The following SMOC2 variants were observed in gnomAD, a reference collection of about 807,000 sequenced individuals.
SMOC2 encodes the protein SPARC-related modular calcium-binding protein 2.
Under a neutral mutation model 61.4 loss-of-function variants are expected in SMOC2, and 39 were observed. The observed-to-expected ratio is 0.64, with a 90% CI of 0.49 to 0.83. The LOEUF is 0.83. Among genes scored for constraint, SMOC2 ranks in the 40% least tolerant of loss-of-function variants. The pLI, the probability that SMOC2 is intolerant of heterozygous loss-of-function variation, is 0.00. For missense variants in SMOC2, 556 were observed against 592.9 expected (o/e 0.94, Z 0.65); for synonymous variants, 247 against 239.9 (o/e 1.03, Z -0.27).
chr6:168,506,833 T>C (rs1782882456), intron 1 of SMOC2, among the ~76,000 whole-genome samples: 1 of 152,258 alleles, frequency 6.6e-6, no homozygotes, highest in Non-Finnish European at 1.5e-5. Flanking sequence ...GTTTTAAGAC[T>C]CTCAACCGAG....
chr6:168,468,955 C>T (rs540829459), intron 1 of SMOC2, among the ~76,000 whole-genome samples: 13 of 152,352 alleles, frequency 8.5e-5, no homozygotes, highest in African/African-American at 2.9e-4. Flanking sequence ...CAAGAAGAAA[C>T]TCTAGAAGCA....
At chr6:168,547,058 C>A in intron 5 of SMOC2, 61 bp from the exon 6 acceptor site, 1 of 1,606,760 alleles carries the variant, frequency 6.2e-7, no homozygotes, top group Middle Eastern at 1.7e-4. Flanking sequence ...CGTATGCACA[C>A]TTACTTAACT....
chr6:168,551,990 G>T (rs1488587742), intron 7 of SMOC2, among the ~76,000 whole-genome samples: 2 of 152,304 alleles, frequency 1.3e-5, no homozygotes, highest in East Asian at 3.9e-4. Context: ...GTTTACAGAA[G>T]TTACCTTACA....
At chr6:168,638,362 A>G (rs1394985221) in intron 9 of SMOC2, among the ~76,000 whole-genome samples, 3 of 152,248 alleles carry the variant, frequency 2.0e-5, no homozygotes, top group Non-Finnish European at 2.9e-5. Flanking sequence ...GGTTGGGAAC[A>G]TAACTTTAAG....
At chr6:168,627,361 CTT>C (rs1428279852) in intron 9 of SMOC2, among the ~76,000 whole-genome samples, 2 of 152,188 alleles carry the variant, frequency 1.3e-5, no homozygotes, top group African/African-American at 4.8e-5. Context: ...AGATTTCTCT[CTT>C]GTTTTAATAT....
intron 9 of SMOC2, among the ~76,000 whole-genome samples, chr6:168,642,849 T>TA (rs1360451264): frequency 6.6e-6 from 1 of 152,352 alleles, no homozygotes; most frequent in African/African-American, 2.4e-5. Context: ...AGCCAAGTGT[T>TA]ACATGTAATG....
chr6:168,476,196 TG>T (rs748877743), intron 1 of SMOC2, among the ~76,000 whole-genome samples: 2 of 152,112 alleles, frequency 1.3e-5, no homozygotes, highest in Non-Finnish European at 2.9e-5. Context: ...ACTTTAGATT[TG>T]GGAGTTAACA....
Position 168,480,247 on chromosome 6 carries a change from T to C in SMOC2, c.85-29668T>C, listed in dbSNP as rs59556942. ...AGAAAATGAGAAAATGTGGCATATT[T>C]AAAGGAAGAAAATGAATCAACAGAA... On this transcript the variant is annotated intron_variant, in intron 1 of 12. Coordinates refer to ENST00000356284, the MANE Select transcript of SMOC2 (RefSeq NM_001166412.2). Among the ~76,000 whole-genome samples, 631 of 152,206 alleles carry C rather than the reference T, an allele frequency of 4.1e-3. 7 individuals carry two copies. The highest frequency in any genetic ancestry group is 0.014 in the African/African-American group (592 of 41,534).
intron 1 of SMOC2, among the ~76,000 whole-genome samples, chr6:168,504,210 C>T (rs1284451644): frequency 5.3e-5 from 8 of 151,996 alleles, no homozygotes; most frequent in East Asian, 1.9e-4. Context: ...GCATGAGGAA[C>T]GTTTGACATT....
chr6:168,547,407 G>C lies in SMOC2; in HGVS notation c.562+238G>C, dbSNP rs4708748. Among the ~76,000 whole-genome samples, 111,336 of 151,276 alleles carry C rather than the reference G, an allele frequency of 0.74. 42,465 individuals are homozygous for C. The highest frequency in any genetic ancestry group is 1 in the East Asian group (5,077 of 5,090). ...AAACAGCAAGCCGAAAGGTGGTCAC[G>C]AAGGGTAGGGTAGGATGGAGGAAAC... On this transcript the variant is annotated intron_variant, in intron 6 of 12. Coordinates refer to ENST00000356284, the MANE Select transcript of SMOC2 (RefSeq NM_001166412.2).
At chr6:168,606,342 T>C (rs1279578198) in intron 8 of SMOC2, among the ~76,000 whole-genome samples, 1 of 152,194 alleles carries the variant, frequency 6.6e-6, no homozygotes, top group African/African-American at 2.4e-5. Context: ...TGCCAGAGTG[T>C]GTCAGAGACT....
chr6:168,521,043 T>C (rs1783317081), intron 2 of SMOC2, among the ~76,000 whole-genome samples: 1 of 152,262 alleles, frequency 6.6e-6, no homozygotes, highest in Admixed American at 6.5e-5. Context: ...TAGGGAATTA[T>C]TTGCTTTCCG....
At chr6:168,473,952 A>G (rs772142853) in intron 1 of SMOC2, among the ~76,000 whole-genome samples, 5 of 152,046 alleles carry the variant, frequency 3.3e-5, no homozygotes, top group Admixed American at 2.6e-4. Context: ...TCCCAGCTAT[A>G]TGACGTTAGG....
intron 1 of SMOC2, among the ~76,000 whole-genome samples, chr6:168,506,561 A>G (rs930985566): frequency 3.3e-5 from 5 of 152,246 alleles, no homozygotes; most frequent in Non-Finnish European, 7.3e-5. Context: ...AAGAAGAAAC[A>G]TAGACCATGA....
intron 9 of SMOC2, among the ~76,000 whole-genome samples, chr6:168,642,326 C>T (rs953035295): frequency 2.0e-5 from 3 of 152,230 alleles, no homozygotes; most frequent in African/African-American, 7.2e-5. Flanking sequence ...ATGGTTTGAA[C>T]AGTTGGCTAC....
At chr6:168,459,802 C>T (rs1222468244) in intron 1 of SMOC2, among the ~76,000 whole-genome samples, 3 of 143,276 alleles carry the variant, frequency 2.1e-5, no homozygotes, top group African/African-American at 7.9e-5. Context: ...GGTGGGTGAG[C>T]CCCGGGCTGG....
At chr6:168,567,767 T>A (rs1437539216) in intron 7 of SMOC2, among the ~76,000 whole-genome samples, 4 of 152,218 alleles carry the variant, frequency 2.6e-5, no homozygotes, top group Non-Finnish European at 5.9e-5. Context: ...GACCAGATGG[T>A]GTGTGTCGGT....
intron 9 of SMOC2, among the ~76,000 whole-genome samples, chr6:168,625,122 G>A (rs1004249140): frequency 3.3e-5 from 5 of 152,184 alleles, no homozygotes; most frequent in Non-Finnish European, 7.3e-5. Context: ...CCTGCTTCGC[G>A]TTTGCTCCCC....
chr6:168,492,580 C>A (rs564666307), intron 1 of SMOC2, among the ~76,000 whole-genome samples: 29 of 152,300 alleles, frequency 1.9e-4, no homozygotes, highest in African/African-American at 7.0e-4. Context: ...GCATCTGTTA[C>A]GAATTTCATA....
Sources: allele counts gnomAD v4.1 joint callset (sites outside exome capture counted in the v4.1 genomes callset), GRCh38; gene constraint gnomAD v4.1.1; transcripts MANE v1.5; gene names NCBI Gene and HGNC (gene_info 2026-07-23, HGNC 2026-07-21).